PIP5K1B: variants seen among roughly 807,000 people sequenced by gnomAD.
The protein encoded by PIP5K1B is phosphatidylinositol 4-phosphate 5-kinase type-1 beta.
Under a neutral mutation model 67.0 loss-of-function variants are expected in PIP5K1B, and 42 were observed. The ratio of observed to expected loss-of-function variants is 0.63; its 90% CI spans 0.49 to 0.81. PIP5K1B has a LOEUF of 0.81. PIP5K1B is among the 30% of genes least tolerant of loss of function. PIP5K1B has a pLI of 0.00. For missense variants in PIP5K1B, 459 were observed against 646.3 expected (o/e 0.71, Z 3.14); for synonymous variants, 214 against 231.4 (o/e 0.92, Z 0.68).
intron 4 of PIP5K1B, among the ~76,000 whole-genome samples, chr9:68,840,791 A>T (rs944308736): frequency 5.9e-5 from 9 of 152,234 alleles, no homozygotes; most frequent in African/African-American, 1.9e-4. Context: ...TCAGCTGTTC[A>T]TCAACCTTGA....
intron 8 of PIP5K1B, among the ~76,000 whole-genome samples, chr9:68,910,521 C>T (rs1302486672): frequency 1.3e-5 from 2 of 152,140 alleles, no homozygotes; most frequent in East Asian, 3.8e-4. Flanking sequence ...CTTACTTATA[C>T]ATGTGGAAAG....
chr9:68,739,595 G>A (rs1717697390), intron 1 of PIP5K1B, among the ~76,000 whole-genome samples: 2 of 152,130 alleles, frequency 1.3e-5, no homozygotes, highest in African/African-American at 4.8e-5. Context: ...AGTAATTTTG[G>A]TTGGAGGAAT....
At chr9:68,869,815 A>G (rs927170468) in intron 5 of PIP5K1B, among the ~76,000 whole-genome samples, 1 of 152,188 alleles carries the variant, frequency 6.6e-6, no homozygotes, top group Non-Finnish European at 1.5e-5. Flanking sequence ...TCATCTCTTT[A>G]TATTTAATAA....
chr9:68,876,608 A>G (rs1823911526), intron 5 of PIP5K1B, 69 bp from the exon 6 acceptor site: 1 of 863,208 alleles, frequency 1.2e-6, no homozygotes, highest in East Asian at 2.4e-5. Context: ...TAGAGCTACA[A>G]TTTGCGGTCA....
intron 14 of PIP5K1B, among the ~76,000 whole-genome samples, chr9:68,950,143 A>T (rs545727983): frequency 2.0e-5 from 3 of 152,154 alleles, no homozygotes; most frequent in African/African-American, 7.2e-5. Context: ...TCTGACCTGA[A>T]GCCAACATAC....
At chr9:68,951,935 G>A (rs1828096317) in intron 14 of PIP5K1B, among the ~76,000 whole-genome samples, 1 of 152,002 alleles carries the variant, frequency 6.6e-6, no homozygotes, top group African/African-American at 2.4e-5. Context: ...TTGGGTGTAG[G>A]CATTAGCTAA....
chr9:68,874,521 G>A (rs1291405100), intron 5 of PIP5K1B, among the ~76,000 whole-genome samples: 1 of 152,110 alleles, frequency 6.6e-6, no homozygotes, highest in Non-Finnish European at 1.5e-5. Context: ...TCAGAGAGAT[G>A]TGAACCCAAG....
intron 1 of PIP5K1B, among the ~76,000 whole-genome samples, chr9:68,732,195 G>A (rs1217613978): frequency 2.6e-5 from 4 of 152,206 alleles, no homozygotes; most frequent in Non-Finnish European, 4.4e-5. Context: ...CTTTCAAGGT[G>A]TAGTTTCAGT....
Position 68,888,975 on chromosome 9 carries a change from T to C in PIP5K1B, c.319-6T>C, listed in dbSNP as rs190006446. 33 of 1,595,540 alleles carry C rather than the reference T, an allele frequency of 2.1e-5. No homozygotes were observed. The African/African-American group carries it at 4.4e-4, about 21-fold the overall frequency. On this transcript the variant is annotated splice_region_variant and splice_polypyrimidine_tract_variant and intron_variant, in intron 6 of 15. Transcript: ENST00000265382. ...TGTTTTAATGTTTATTCATTTACCC[T>C]TTTAGTATTCCATCTGCAGTGAACC...
At chr9:68,873,480 G>A (rs1027552712) in intron 5 of PIP5K1B, among the ~76,000 whole-genome samples, 5 of 151,532 alleles carry the variant, frequency 3.3e-5, no homozygotes, top group Admixed American at 6.6e-5. Flanking sequence ...TAGAGACAGG[G>A]TTTCACCATG....
intron 15 of PIP5K1B, among the ~76,000 whole-genome samples, chr9:68,995,571 C>T (rs1187872310): frequency 5.3e-5 from 8 of 151,994 alleles, no homozygotes; most frequent in African/African-American, 1.4e-4. Context: ...TTTGGGAGGC[C>T]GAGGCGGGCA....
chr9:68,974,785 T>C (rs1422314121), intron 14 of PIP5K1B, among the ~76,000 whole-genome samples: 2 of 152,248 alleles, frequency 1.3e-5, no homozygotes, highest in African/African-American at 4.8e-5. Context: ...TGTACATCTG[T>C]GAGAGCGAAG....
intron 2 of PIP5K1B, chr9:68,789,160 G>T: frequency 1.7e-6 from 1 of 574,558 alleles, no homozygotes; most frequent in East Asian, 4.4e-5. Context: ...CCAGTACCTC[G>T]CCAAGGCACC....
chr9:68,787,599 C>T (rs1036743348), intron 2 of PIP5K1B, among the ~76,000 whole-genome samples: 5 of 152,032 alleles, frequency 3.3e-5, no homozygotes, highest in Non-Finnish European at 1.5e-5. Context: ...CTTGACCTAA[C>T]ATTCATTTTT....
intron 14 of PIP5K1B, among the ~76,000 whole-genome samples, chr9:68,973,638 C>T (rs898358321): frequency 6.6e-6 from 1 of 152,082 alleles, no homozygotes; most frequent in Non-Finnish European, 1.5e-5. Context: ...TAACCAAGGG[C>T]CTAATCATTT....
At chr9:68,777,454 T>C (rs1400319112) in intron 2 of PIP5K1B, among the ~76,000 whole-genome samples, 2 of 152,230 alleles carry the variant, frequency 1.3e-5, no homozygotes, top group East Asian at 3.8e-4. Context: ...AAATGTAGAC[T>C]TGGTGTTGAG....
chr9:68,969,743 A>G (rs768573474), intron 14 of PIP5K1B, among the ~76,000 whole-genome samples: 6 of 152,220 alleles, frequency 3.9e-5, no homozygotes, highest in Non-Finnish European at 7.3e-5. Context: ...TCTACCGGAA[A>G]GAGAGCCCTG....
At chr9:68,920,281 A>T (rs1435014022) in intron 11 of PIP5K1B, among the ~76,000 whole-genome samples, 2 of 151,708 alleles carry the variant, frequency 1.3e-5, no homozygotes, top group African/African-American at 4.8e-5. Flanking sequence ...CCTAACAAAT[A>T]CACAGAGAAA....
chr9:68,905,297 G>A (rs1323334943), intron 8 of PIP5K1B, among the ~76,000 whole-genome samples: 1 of 152,150 alleles, frequency 6.6e-6, no homozygotes, highest in Non-Finnish European at 1.5e-5. Flanking sequence ...GGGCCTGATG[G>A]TAGCAACTCT....
Sources: gnomAD v4.1 joint callset for allele counts (sites outside exome capture counted in the v4.1 genomes callset) on GRCh38, gnomAD v4.1.1 for gene constraint, MANE v1.5 for transcripts, NCBI Gene and HGNC (gene_info 2026-07-23, HGNC 2026-07-21) for gene names.